HS6ST3: variants seen among roughly 807,000 people sequenced by gnomAD.
HS6ST3 encodes heparan-sulfate 6-O-sulfotransferase 3.
In HS6ST3, 12 loss-of-function variants were observed where a neutral mutation model predicts 36.7. That is an observed-to-expected ratio of 0.33 (90% CI 0.21 to 0.53). The LOEUF (loss-of-function observed/expected upper bound fraction) is 0.53. HS6ST3 is among the 20% of genes least tolerant of loss of function. The probability of loss-of-function intolerance (pLI) is 0.95; values close to 1 mark genes in which losing one functional copy is unlikely to be tolerated. For missense variants in HS6ST3, 584 were observed against 640.9 expected, an observed-to-expected ratio of 0.91 and a Z score of 0.96; for synonymous variants, 240 against 257.5, an observed-to-expected ratio of 0.93 and a Z score of 0.65.
At chr13:96,625,929 C>T (rs1416015483) in intron 1 of HS6ST3, among the ~76,000 whole-genome samples, 1 of 151,932 alleles carries the variant, frequency 6.6e-6, no homozygotes, top group African/African-American at 2.4e-5. Flanking sequence ...CAAGCTCCGC[C>T]TCCCAGGTTC....
At chr13:96,217,735 A>G (rs573252501) in intron 1 of HS6ST3, among the ~76,000 whole-genome samples, 40 of 152,362 alleles carry the variant, frequency 2.6e-4, no homozygotes, top group African/African-American at 9.1e-4. Context: ...TATACTGCAG[A>G]GAAGCAGTAT....
chr13:96,754,071 G>A (rs562545178), intron 1 of HS6ST3, among the ~76,000 whole-genome samples: 4 of 152,094 alleles, frequency 2.6e-5, no homozygotes, highest in Admixed American at 2.6e-4. Context: ...CACCTGCTTC[G>A]GCCTCCCAAA....
intron 1 of HS6ST3, among the ~76,000 whole-genome samples, chr13:96,743,699 A>G (rs1876495471): frequency 6.6e-6 from 1 of 152,034 alleles, no homozygotes; most frequent in Non-Finnish European, 1.5e-5. Context: ...TAGATTGACA[A>G]TGAGGGTGTT....
chr13:96,779,428 A>C (rs975599450), intron 1 of HS6ST3, among the ~76,000 whole-genome samples: 14 of 152,182 alleles, frequency 9.2e-5, no homozygotes, highest in Admixed American at 4.6e-4. Context: ...AAATGTTTTG[A>C]GATGCTCAAC....
At chr13:96,443,794 A>G (rs1273957424) in intron 1 of HS6ST3, among the ~76,000 whole-genome samples, 2 of 152,210 alleles carry the variant, frequency 1.3e-5, no homozygotes, top group African/African-American at 4.8e-5. Flanking sequence ...CCCTGTAGTT[A>G]TGGCAAAGTA....
chr13:96,396,159 C>T (rs1365319649), intron 1 of HS6ST3, among the ~76,000 whole-genome samples: 2 of 151,914 alleles, frequency 1.3e-5, no homozygotes, highest in South Asian at 4.2e-4. Context: ...ACTAAAAATT[C>T]GAAAATTAGC....
intron 1 of HS6ST3, among the ~76,000 whole-genome samples, chr13:96,634,285 G>C (rs1251181305): frequency 2.0e-5 from 3 of 152,228 alleles, no homozygotes; most frequent in Non-Finnish European, 4.4e-5. Context: ...GCACCTCAGT[G>C]CTTGCCCCAT....
At chr13:96,268,331 A>G (rs975366629) in intron 1 of HS6ST3, among the ~76,000 whole-genome samples, 1 of 151,932 alleles carries the variant, frequency 6.6e-6, no homozygotes, top group African/African-American at 2.4e-5. Flanking sequence ...ACGGCAGGGG[A>G]AGCAAACATG....
chr13:96,607,455 G>T (rs1403845257), intron 1 of HS6ST3, among the ~76,000 whole-genome samples: 1 of 152,172 alleles, frequency 6.6e-6, no homozygotes, highest in East Asian at 1.9e-4. Flanking sequence ...TAGAGAACCG[G>T]CTTGAGACAA....
At chr13:96,274,811 A>G (rs1163481400) in intron 1 of HS6ST3, among the ~76,000 whole-genome samples, 2 of 150,274 alleles carry the variant, frequency 1.3e-5, no homozygotes, top group African/African-American at 4.9e-5. Context: ...ATAAAATTCC[A>G]TTATCAGTGA....
chr13:96,336,319 G>T (rs1041926102), intron 1 of HS6ST3, among the ~76,000 whole-genome samples: 2 of 152,250 alleles, frequency 1.3e-5, no homozygotes, highest in East Asian at 1.9e-4. Flanking sequence ...CTAATACCAT[G>T]AGTTTTCCAT....
intron 1 of HS6ST3, among the ~76,000 whole-genome samples, chr13:96,568,365 C>G (rs1471284547): frequency 1.3e-5 from 2 of 152,216 alleles, no homozygotes; most frequent in African/African-American, 4.8e-5. Context: ...CTCCTGGGTT[C>G]AAGCGATTCT....
chr13:96,144,689 C>T (rs1402748279), intron 1 of HS6ST3, among the ~76,000 whole-genome samples: 2 of 150,600 alleles, frequency 1.3e-5, no homozygotes, highest in Admixed American at 6.6e-5. Context: ...TGTGCACAAC[C>T]TGCAGGTTTG....
At chr13:96,390,281 T>G (rs946139450) in intron 1 of HS6ST3, among the ~76,000 whole-genome samples, 5 of 152,228 alleles carry the variant, frequency 3.3e-5, no homozygotes, top group South Asian at 2.1e-4. Flanking sequence ...GATTGCTAAA[T>G]GTACTGCTAT....
At chr13:96,601,954 G>A (rs2056423219) in intron 1 of HS6ST3, among the ~76,000 whole-genome samples, 1 of 152,164 alleles carries the variant, frequency 6.6e-6, no homozygotes, top group African/African-American at 2.4e-5. Flanking sequence ...TGTGTGAGCA[G>A]GTTCACTGTC....
chr13:96,269,488 T>TG (rs1266323309), intron 1 of HS6ST3, among the ~76,000 whole-genome samples: 1 of 151,894 alleles, frequency 6.6e-6, no homozygotes, highest in South Asian at 2.1e-4. Flanking sequence ...AGAGACAAGG[T>TG]GGGGGGAAGT....
chr13:96,206,278 G>A (rs9584346), intron 1 of HS6ST3, among the ~76,000 whole-genome samples: 58,858 of 151,950 alleles, frequency 0.39, 11,905 homozygotes, highest in Non-Finnish European at 0.46. Flanking sequence ...CCTCTTCAAG[G>A]AGAGCTACAA....
intron 1 of HS6ST3, among the ~76,000 whole-genome samples, chr13:96,267,182 C>A (rs977846067): frequency 6.6e-6 from 1 of 152,164 alleles, no homozygotes; most frequent in Non-Finnish European, 1.5e-5. Context: ...TCCTCCTTCA[C>A]CTTCCACCAT....
chr13:96,366,259 C>T (rs1230959039), intron 1 of HS6ST3, among the ~76,000 whole-genome samples: 5 of 151,946 alleles, frequency 3.3e-5, no homozygotes, highest in Admixed American at 6.6e-5. Context: ...GTGGATCACC[C>T]GAGGTCAGGA....
Sources: gnomAD v4.1 joint callset for allele counts (sites outside exome capture counted in the v4.1 genomes callset) on GRCh38, gnomAD v4.1.1 for gene constraint, MANE v1.5 for transcripts, NCBI Gene and HGNC (gene_info 2026-07-23, HGNC 2026-07-21) for gene names.